Variants in FBXW7 observed in about 807,000 individuals in gnomAD.
FBXW7 encodes the protein F-box/WD repeat-containing protein 7.
A neutral mutation model predicts 86.3 loss-of-function variants in FBXW7; 11 were observed. The ratio of observed to expected loss-of-function variants is 0.13; its 90% CI spans 0.08 to 0.21. The LOEUF (loss-of-function observed/expected upper bound fraction) is 0.21, where lower values mean the gene tolerates loss of function less well. Ranked by LOEUF, FBXW7 falls within the 10% of genes least tolerant of loss-of-function variation. FBXW7 has a pLI of 1.00. For synonymous variants in FBXW7, 313 were observed against 297.9 expected, an observed-to-expected ratio of 1.05 and a Z score of -0.52; for missense variants, 488 against 847.4, an observed-to-expected ratio of 0.58 and a Z score of 5.27.
At chr4:152,526,368 A>G (rs1163815873) in intron 2 of FBXW7, among the ~76,000 whole-genome samples, 2 of 152,210 alleles carry the variant, frequency 1.3e-5, no homozygotes, top group African/African-American at 4.8e-5. Context: ...TACAAAAACA[A>G]TCAAGAAGCA....
At chr4:152,345,172 T>C (rs1051407241) in intron 6 of FBXW7, among the ~76,000 whole-genome samples, 2 of 152,184 alleles carry the variant, frequency 1.3e-5, no homozygotes, top group African/African-American at 4.8e-5. Context: ...TCGCCTCTTA[T>C]TGACGGATAA....
intron 2 of FBXW7, among the ~76,000 whole-genome samples, chr4:152,474,713 T>A (rs1232722059): frequency 6.6e-6 from 1 of 152,194 alleles, no homozygotes; most frequent in Non-Finnish European, 1.5e-5. Flanking sequence ...GTTGCCAGGC[T>A]GGAGTGCAAT....
At chr4:152,411,149 C>G (rs75344296) in intron 4 of FBXW7, 154 bp downstream of exon 4, 14,114 of 1,155,512 alleles carry the variant, frequency 0.012, 125 homozygotes, top group Admixed American at 0.024. Flanking sequence ...GTAATACTTT[C>G]CATTACCTTC....
chr4:152,523,535 G>C (rs1485632288), intron 2 of FBXW7, among the ~76,000 whole-genome samples: 1 of 152,242 alleles, frequency 6.6e-6, no homozygotes, highest in East Asian at 1.9e-4. Context: ...TGAAATACAA[G>C]TTTTGGGGAC....
At chr4:152,328,566 AG>A (rs1729268931) in intron 10 of FBXW7, 177 bp from the exon 11 acceptor site, 1 of 448,866 alleles carries the variant, frequency 2.2e-6, no homozygotes, top group Non-Finnish European at 3.9e-6. Context: ...TTTATTCAAA[AG>A]CATTATAAAT....
At chr4:152,475,476 A>G (rs903088855) in intron 2 of FBXW7, among the ~76,000 whole-genome samples, 8 of 152,178 alleles carry the variant, frequency 5.3e-5, no homozygotes, top group Non-Finnish European at 7.3e-5. Context: ...GGAACAAAGC[A>G]AAGATGTGTT....
chr4:152,467,380 G>A (rs1021291432), intron 2 of FBXW7, among the ~76,000 whole-genome samples: 6 of 152,116 alleles, frequency 3.9e-5, no homozygotes, highest in African/African-American at 1.4e-4. Flanking sequence ...CCAGCCCTGA[G>A]GAACTGTGAG....
At position 152,322,740 on chromosome 4, in the gene FBXW7, C is replaced by A; in HGVS notation, c.*141G>T. On this transcript the variant is annotated 3_prime_UTR_variant, in exon 14 of 14. Coordinates refer to ENST00000281708, the MANE Select transcript of FBXW7 (RefSeq NM_001349798.2). ...TTCCTTCTTAGTCTGTAGGTCTTTT[C>A]AATCTGTTGCCCCAAGCCAACATCC... 7.3e-7 allele frequency: 1 copy of A among 1,375,508 alleles called. No homozygotes were observed. 85.2% of individuals were successfully genotyped at this position (1,375,508 alleles called of 1,614,324 possible).
At chr4:152,339,718 G>A (rs1047134479) in intron 6 of FBXW7, among the ~76,000 whole-genome samples, 4 of 152,056 alleles carry the variant, frequency 2.6e-5, no homozygotes, top group African/African-American at 9.7e-5. Flanking sequence ...AGAGGCAAGA[G>A]GATCACTGGA....
At chr4:152,492,517 T>C (rs548678669) in intron 2 of FBXW7, among the ~76,000 whole-genome samples, 218 of 152,336 alleles carry the variant, frequency 1.4e-3, no homozygotes, top group African/African-American at 4.9e-3. Context: ...GTGTTCTGGA[T>C]GGCTTCCTAG....
intron 2 of FBXW7, among the ~76,000 whole-genome samples, chr4:152,485,125 A>AT (rs2149675947): frequency 6.6e-6 from 1 of 152,238 alleles, no homozygotes; most frequent in Admixed American, 6.5e-5. Context: ...AGAAAGGAAG[A>AT]TTTTTGTATT....
intron 2 of FBXW7, among the ~76,000 whole-genome samples, chr4:152,435,677 T>C (rs1166045025): frequency 6.6e-6 from 1 of 152,222 alleles, no homozygotes; most frequent in African/African-American, 2.4e-5. Context: ...TCTGCGGGTT[T>C]GTTTTACAGG....
chr4:152,433,989 A>AT (rs922872131), intron 2 of FBXW7, among the ~76,000 whole-genome samples: 18 of 152,156 alleles, frequency 1.2e-4, no homozygotes, highest in African/African-American at 4.1e-4. Flanking sequence ...TTATACGTGG[A>AT]TTTTTTTTCA....
At chr4:152,507,101 G>T (rs1361965808) in intron 2 of FBXW7, among the ~76,000 whole-genome samples, 1 of 151,974 alleles carries the variant, frequency 6.6e-6, no homozygotes, top group East Asian at 1.9e-4. Flanking sequence ...ATTATACATA[G>T]GAGCATATGC....
intron 2 of FBXW7, among the ~76,000 whole-genome samples, chr4:152,426,374 C>T (rs1034731986): frequency 7.1e-6 from 1 of 140,188 alleles, no homozygotes; most frequent in Non-Finnish European, 1.5e-5. Context: ...TTTTTTTAAA[C>T]AGTCTCGCTC....
chr4:152,516,595 T>A (rs1182619760), intron 2 of FBXW7, among the ~76,000 whole-genome samples: 3 of 152,218 alleles, frequency 2.0e-5, no homozygotes, highest in African/African-American at 7.2e-5. Flanking sequence ...GTTTATATTA[T>A]TTCTCTTAAA....
chr4:152,437,238 G>C (rs1233139024), intron 2 of FBXW7, among the ~76,000 whole-genome samples: 1 of 152,100 alleles, frequency 6.6e-6, no homozygotes, highest in African/African-American at 2.4e-5. Context: ...ATGACTTTGA[G>C]GGGTTCAAGA....
intron 2 of FBXW7, among the ~76,000 whole-genome samples, chr4:152,452,380 G>T (rs1036908584): frequency 6.6e-6 from 1 of 152,132 alleles, no homozygotes; most frequent in Admixed American, 6.5e-5. Context: ...GTCATTAAAA[G>T]GACTTCAGTA....
At chr4:152,337,486 T>C (rs1455427076) in intron 7 of FBXW7, among the ~76,000 whole-genome samples, 2 of 151,958 alleles carry the variant, frequency 1.3e-5, no homozygotes, top group African/African-American at 2.4e-5. Context: ...TAACTAAAGG[T>C]TGGGCTTCAA....
Sources: gnomAD v4.1 joint callset for allele counts (sites outside exome capture counted in the v4.1 genomes callset) on GRCh38, gnomAD v4.1.1 for gene constraint, MANE v1.5 for transcripts, NCBI Gene and HGNC (gene_info 2026-07-23, HGNC 2026-07-21) for gene names.